EZH2: variants seen among roughly 807,000 people sequenced by gnomAD.
The protein encoded by EZH2 is enhancer of zeste 2 polycomb repressive complex 2 subunit.
A neutral mutation model predicts 98.4 loss-of-function variants in EZH2; 18 were observed. The ratio of observed to expected loss-of-function variants is 0.18; its 90% CI spans 0.13 to 0.27. EZH2 has a LOEUF of 0.27. EZH2 is among the 10% of genes least tolerant of loss of function. The pLI is 1.00. For synonymous variants in EZH2, 338 were observed against 312.3 expected (o/e 1.08, Z -0.87); for missense variants, 470 against 935.1 (o/e 0.50, Z 6.49).
intron 1 of EZH2, among the ~76,000 whole-genome samples, chr7:148,856,773 C>T (rs950580157): frequency 2.0e-5 from 3 of 152,096 alleles, no homozygotes; most frequent in Admixed American, 6.5e-5. Flanking sequence ...AGTATTATAA[C>T]AGAATAAAAT....
At chr7:148,846,830 T>G (rs1358758565) in intron 2 of EZH2, among the ~76,000 whole-genome samples, 1 of 146,192 alleles carries the variant, frequency 6.8e-6, no homozygotes, top group Admixed American at 7.1e-5. Context: ...CCATCCTTTC[T>G]TTGTTGACTG....
Position 148,808,322 on chromosome 7 carries a change from G to A in EZH2, c.2196-616C>T, listed in dbSNP as rs572696589. ...TCACTCAGACCCTGTCTGCCTCACT[G>A]AGAGCTCGCTGCTGTGCAACAGCCA... is the stretch of plus-strand genomic sequence containing the variant. On this transcript the variant is annotated intron_variant, in intron 19 of 19. Coordinates refer to ENST00000320356, the MANE Select transcript of EZH2 (RefSeq NM_004456.5). 1.1e-4 allele frequency among the ~76,000 whole-genome samples: 17 copies of A among 152,356 alleles called. No individual in the cohort carries two copies. In the East Asian group the frequency reaches 3.1e-3, roughly 28 times the overall value.
At chr7:148,831,868 T>C (rs1809501437) in intron 4 of EZH2, among the ~76,000 whole-genome samples, 1 of 152,248 alleles carries the variant, frequency 6.6e-6, no homozygotes, top group Non-Finnish European at 1.5e-5. Context: ...CTTCAGTTTC[T>C]CTTTAGCATT....
intron 1 of EZH2, among the ~76,000 whole-genome samples, chr7:148,874,005 AAG>A (rs1259895456): frequency 2.0e-5 from 3 of 152,202 alleles, no homozygotes; most frequent in Non-Finnish European, 4.4e-5. Flanking sequence ...ATATTCCAGA[AAG>A]AGGACAGGCA....
chr7:148,860,937 T>G (rs1268036771), intron 1 of EZH2, among the ~76,000 whole-genome samples: 1 of 152,134 alleles, frequency 6.6e-6, no homozygotes, highest in Non-Finnish European at 1.5e-5. Context: ...CCTCCCAAAG[T>G]GCTGGGATTA....
At chr7:148,814,555 C>T (rs1804035727) in intron 14 of EZH2, among the ~76,000 whole-genome samples, 1 of 152,182 alleles carries the variant, frequency 6.6e-6, no homozygotes, top group Non-Finnish European at 1.5e-5. Context: ...CTAAAACCCT[C>T]CTAACTCTGA....
At chr7:148,875,141 A>G (rs1820003962) in intron 1 of EZH2, among the ~76,000 whole-genome samples, 1 of 152,240 alleles carries the variant, frequency 6.6e-6, no homozygotes, top group Non-Finnish European at 1.5e-5. Flanking sequence ...AAAAATTATC[A>G]TCCATACACC....
At chr7:148,827,481 G>A (rs1032528096) in intron 6 of EZH2, among the ~76,000 whole-genome samples, 1 of 152,114 alleles carries the variant, frequency 6.6e-6, no homozygotes, top group Non-Finnish European at 1.5e-5. Flanking sequence ...AGCTTTAAGA[G>A]CACTGGGAAG....
intron 1 of EZH2, among the ~76,000 whole-genome samples, chr7:148,851,096 A>G (rs1410640313): frequency 6.6e-6 from 1 of 152,188 alleles, no homozygotes; most frequent in African/African-American, 2.4e-5. Context: ...ACCCACATGA[A>G]TAACGAGTAG....
rs368808553 is a variant in EZH2, at chr7:148,867,092, C to T, written c.-8+17072G>A. ...CTGTAATCCCAGCACTTTGGGAAGCCGAGGCAGGCAGATAACCTGAGGGCA... is the reference window on the plus strand; with the variant it reads ...CTGTAATCCCAGCACTTTGGGAAGCTGAGGCAGGCAGATAACCTGAGGGCA... On this transcript the variant is annotated intron_variant, in intron 1 of 19. Coordinates refer to ENST00000320356, the MANE Select transcript of EZH2 (RefSeq NM_004456.5). 2.0e-4 allele frequency among the ~76,000 whole-genome samples: 31 copies of T among 151,286 alleles called. No homozygotes were observed. The East Asian group carries it at 3.4e-3, about 17-fold the overall frequency.
intron 8 of EZH2, among the ~76,000 whole-genome samples, chr7:148,822,423 T>A (rs1806405654): frequency 6.6e-6 from 1 of 150,420 alleles, no homozygotes; most frequent in Non-Finnish European, 1.5e-5. Flanking sequence ...GGCACAAGAA[T>A]CCCTTGAACC....
intron 7 of EZH2, among the ~76,000 whole-genome samples, 168 bp downstream of exon 7, chr7:148,826,996 T>C (rs1341468944): frequency 6.6e-6 from 1 of 152,246 alleles, no homozygotes; most frequent in Non-Finnish European, 1.5e-5. Flanking sequence ...ACAGGAAATA[T>C]TTTGTAATGC....
chr7:148,881,569 T>C (rs894222478), intron 1 of EZH2, among the ~76,000 whole-genome samples: 9 of 152,162 alleles, frequency 5.9e-5, no homozygotes, highest in Admixed American at 1.3e-4. Flanking sequence ...AGAGATGTTT[T>C]TCAAAATATC....
chr7:148,880,557 T>G (rs1001759852), intron 1 of EZH2, among the ~76,000 whole-genome samples: 1 of 152,252 alleles, frequency 6.6e-6, no homozygotes, highest in Non-Finnish European at 1.5e-5. Context: ...AATAGTTGCA[T>G]CTAAAGGATA....
chr7:148,881,086 C>T (rs963144908), intron 1 of EZH2, among the ~76,000 whole-genome samples: 1 of 152,206 alleles, frequency 6.6e-6, no homozygotes, highest in Non-Finnish European at 1.5e-5. Context: ...ATTTCACCTA[C>T]TCATATAGAA....
At chr7:148,838,083 T>C (rs1277615321) in intron 3 of EZH2, among the ~76,000 whole-genome samples, 2 of 150,386 alleles carry the variant, frequency 1.3e-5, no homozygotes, top group Non-Finnish European at 3.0e-5. Context: ...TTTTTTTTTT[T>C]TTGAGACAGG....
intron 1 of EZH2, among the ~76,000 whole-genome samples, chr7:148,867,052 C>G (rs867617769): frequency 6.8e-6 from 1 of 147,130 alleles, no homozygotes; most frequent in East Asian, 2.3e-4. Context: ...CTTGGCCAGG[C>G]GTGGTGGCTC....
chr7:148,879,745 G>A (rs1273902093), intron 1 of EZH2, among the ~76,000 whole-genome samples: 3 of 151,934 alleles, frequency 2.0e-5, no homozygotes, highest in South Asian at 2.1e-4. Context: ...GGTGGCGCAC[G>A]CTTGTAGTCC....
intron 16 of EZH2, among the ~76,000 whole-genome samples, chr7:148,811,350 C>T (rs1191287745): frequency 2.6e-5 from 4 of 152,094 alleles, no homozygotes; most frequent in African/African-American, 4.8e-5. Flanking sequence ...GGGGTCTTGC[C>T]ATGTTGCCCA....
Sources: gnomAD v4.1 joint callset for allele counts (sites outside exome capture counted in the v4.1 genomes callset) on GRCh38, gnomAD v4.1.1 for gene constraint, MANE v1.5 for transcripts, NCBI Gene and HGNC (gene_info 2026-07-23, HGNC 2026-07-21) for gene names.